Variants in OTUD7B observed in about 807,000 individuals in gnomAD.
The protein encoded by OTUD7B is OTU domain-containing protein 7B.
OTUD7B carries 34 observed loss-of-function variants against 82.2 expected under a neutral mutation model. The observed-to-expected ratio is 0.41, with a 90% CI of 0.31 to 0.55. The LOEUF (loss-of-function observed/expected upper bound fraction) is 0.55. Ranked by LOEUF, OTUD7B falls within the 20% of genes least tolerant of loss-of-function variation. OTUD7B has a pLI of 0.20. For synonymous variants in OTUD7B, 398 were observed against 402.7 expected (o/e 0.99, Z 0.14); for missense variants, 944 against 1,062.1 (o/e 0.89, Z 1.55).
At chr1:149,959,475 T>C (rs1648977242) in intron 7 of OTUD7B, among the ~76,000 whole-genome samples, 1 of 152,194 alleles carries the variant, frequency 6.6e-6, no homozygotes, top group African/African-American at 2.4e-5. Context: ...GTTTCCAAAG[T>C]CTAGATGGGC....
At chr1:150,060,895 G>A in the OTUD7B span, among the ~76,000 whole-genome samples, 6 of 151,998 alleles carry the variant, frequency 3.9e-5, no homozygotes, top group African/African-American at 1.4e-4. Flanking sequence ...TATCATTCTC[G>A]TGTAGGATTT....
intron 1 of OTUD7B, among the ~76,000 whole-genome samples, chr1:149,978,009 T>C (rs868989544): frequency 1.3e-5 from 2 of 152,222 alleles, no homozygotes; most frequent in African/African-American, 4.8e-5. Context: ...TCTCCTCTAA[T>C]ATATGTTTCT....
the OTUD7B span, among the ~76,000 whole-genome samples, chr1:150,049,755 T>C: frequency 2.0e-5 from 3 of 151,340 alleles, no homozygotes; most frequent in Non-Finnish European, 4.4e-5. Flanking sequence ...ACGCAATTAA[T>C]TTCTGTATTT....
At chr1:150,019,576 A>AG in the OTUD7B span, among the ~76,000 whole-genome samples, 1 of 152,150 alleles carries the variant, frequency 6.6e-6, no homozygotes, top group Non-Finnish European at 1.5e-5. Context: ...CATTTTGGCC[A>AG]GGTTGGCCTC....
the OTUD7B span, among the ~76,000 whole-genome samples, chr1:150,045,439 C>G: frequency 1.7e-5 from 2 of 114,740 alleles, no homozygotes; most frequent in African/African-American, 6.7e-5. Flanking sequence ...GGGCCTCATG[C>G]ATGCTAAGCG....
At chr1:149,958,461 G>A (rs1648883249) in intron 7 of OTUD7B, among the ~76,000 whole-genome samples, 1 of 150,536 alleles carries the variant, frequency 6.6e-6, no homozygotes, top group Non-Finnish European at 1.5e-5. Context: ...TCGAGTAGCT[G>A]GGATTACAGC....
chr1:149,959,313 G>A (rs1648965189), intron 7 of OTUD7B, among the ~76,000 whole-genome samples: 1 of 152,044 alleles, frequency 6.6e-6, no homozygotes, highest in South Asian at 2.1e-4. Flanking sequence ...CGATCCTCCT[G>A]CCTCAGCCTT....
rs183025951 is a variant in OTUD7B at position 149,973,052 on chromosome 1, C to G, written c.86-1801G>C. On this transcript the variant is annotated intron_variant, in intron 2 of 11. Coordinates refer to ENST00000581312, the MANE Select transcript of OTUD7B (RefSeq NM_020205.4). ...CCTCACCACCAAGTCAATTTGTACC[C>G]CTAAAACATCTCTCAAATCCATTTC... 2.0e-5 allele frequency among the ~76,000 whole-genome samples: 3 copies of G among 152,238 alleles called. No homozygotes were observed. The East Asian group carries it at 5.8e-4, about 29-fold the overall frequency.
the OTUD7B span, among the ~76,000 whole-genome samples, chr1:150,031,678 A>G: frequency 1.3e-5 from 2 of 152,192 alleles, no homozygotes; most frequent in Admixed American, 1.3e-4. Context: ...TCTGCTGCCT[A>G]AGCTTGAATC....
At chr1:150,039,833 T>C in the OTUD7B span, among the ~76,000 whole-genome samples, 9 of 152,234 alleles carry the variant, frequency 5.9e-5, no homozygotes, top group Admixed American at 5.9e-4. Context: ...TAAGAGCAGA[T>C]ACTGATTTTG....
At chr1:150,044,683 AATG>A in the OTUD7B span, among the ~76,000 whole-genome samples, 3,761 of 150,396 alleles carry the variant, frequency 0.025, 133 homozygotes, top group African/African-American at 0.077. Flanking sequence ...AAATAATAAT[AATG>A]ATAATAATAA....
At position 149,944,274 on chromosome 1, in the gene OTUD7B, T is replaced by C; in HGVS notation, c.2115A>G (p.Gly705=). The C allele has an allele frequency of 1.2e-6, 2 of 1,610,658 alleles. No homozygotes were observed. The highest frequency in any genetic ancestry group is 2.2e-5 in the South Asian group (2 of 90,688). Residue 705 remains glycine, a synonymous_variant, in exon 12 of 12, where the codon GGA becomes GGG. Coordinates refer to ENST00000581312, the MANE Select transcript of OTUD7B (RefSeq NM_020205.4). ...GCCTCCGGGGTTCCTGGCAGTGGAC[T>C]CCGCCCCCAGACGGCCGAGGGATAG... The part of the protein sequence containing the change: ...DFTIPRPSGG[G]VHCQEPRRQL...
At chr1:149,948,237 C>T (rs925631783) in intron 10 of OTUD7B, among the ~76,000 whole-genome samples, 2 of 152,100 alleles carry the variant, frequency 1.3e-5, no homozygotes, top group East Asian at 3.9e-4. Flanking sequence ...CCTCGGTTGC[C>T]TGTTCACTCT....
chr1:150,019,522 A>G, the OTUD7B span, among the ~76,000 whole-genome samples: 1 of 152,048 alleles, frequency 6.6e-6, no homozygotes, highest in African/African-American at 2.4e-5. Flanking sequence ...CATGGGCACC[A>G]TGCCTGGCTA....
rs1559819695 is a variant in OTUD7B at position 149,944,062 on chromosome 1, C to T, written c.2327G>A (p.Ser776Asn). The stretch of plus-strand genomic sequence containing the variant: ...CTCAGGGGGCTCTCTGTAGCCATTG[C>T]TATAGGAATCAGCCACTCGGTAGGG... Reference protein sequence around the residue: ...PPPYRVADSYSNGYREPPEPD... With the variant: ...PPPYRVADSYNNGYREPPEPD... Residue 776 changes from serine (S) to asparagine (N), a missense_variant, in exon 12 of 12, where the codon AGC (serine) becomes AAC (asparagine). This residue lies in a region of OTUD7B where 412 missense variants were observed against 418.7 expected (regional missense o/e 0.98). Coordinates refer to ENST00000581312, the MANE Select transcript of OTUD7B (RefSeq NM_020205.4). The T allele has an allele frequency of 1.2e-6, 2 of 1,614,210 alleles. No homozygotes were observed. The highest frequency in any genetic ancestry group is 1.7e-6 in the Non-Finnish European group (2 of 1,180,036).
the OTUD7B span, among the ~76,000 whole-genome samples, chr1:150,032,379 G>A: frequency 7.2e-6 from 1 of 138,654 alleles, no homozygotes. Flanking sequence ...CTGTAGTCCA[G>A]CACTTTTGGC....
Position 149,964,243 on chromosome 1 carries a change from C to T in OTUD7B, c.711G>A (p.Gln237=). 2 of 1,613,466 alleles carry T rather than the reference C, an allele frequency of 1.2e-6. No homozygotes were observed. Among genetic ancestry groups the T allele is most frequent in the Non-Finnish European group, 1.7e-6 (2 of 1,180,034 alleles). Residue 237 remains glutamine (Q), a synonymous_variant, in exon 6 of 12, where the codon CAG becomes CAA. Coordinates refer to ENST00000581312, the MANE Select transcript of OTUD7B (RefSeq NM_020205.4). ...CCACCTCTTTATTCTGCTGTGTCTGCTGCCACCTCCAGCGCCTTTTCAACG... is the reference window on the plus strand; with the variant it reads ...CCACCTCTTTATTCTGCTGTGTCTGTTGCCACCTCCAGCGCCTTTTCAACG... ...KEALKRRWRW[Q]QTQQNKESGL...
upstream of OTUD7B, among the ~76,000 whole-genome samples, chr1:150,015,678 C>G (rs1339796267): frequency 6.6e-6 from 1 of 152,136 alleles, no homozygotes; most frequent in African/African-American, 2.4e-5. Context: ...GGTTGCTTAA[C>G]CAATGTCCAT....
intron 6 of OTUD7B, chr1:149,963,954 G>A (rs1649337238): frequency 3.0e-6 from 1 of 338,066 alleles, no homozygotes; most frequent in African/African-American, 2.1e-5. Flanking sequence ...GCAAAACACT[G>A]CCACTAAAAG....
Sources: allele counts gnomAD v4.1 joint callset (sites outside exome capture counted in the v4.1 genomes callset), GRCh38; gene constraint gnomAD v4.1.1; regional missense constraint gnomAD v4.1.1; transcripts MANE v1.5; gene names NCBI Gene and HGNC (gene_info 2026-07-23, HGNC 2026-07-21).